The following CSRNP1 variants were observed in gnomAD, a reference collection of about 807,000 sequenced individuals.
CSRNP1 encodes the protein cysteine and serine rich nuclear protein 1, also known as cysteine/serine-rich nuclear protein 1.
Under a neutral mutation model 25.0 loss-of-function variants are expected in CSRNP1, and 8 were observed. That is an observed-to-expected ratio of 0.32 (90% CI 0.19 to 0.58). CSRNP1 has a LOEUF of 0.58. Among genes scored for constraint, CSRNP1 ranks in the 20% least tolerant of loss-of-function variants. The pLI, the probability that CSRNP1 is intolerant of heterozygous loss-of-function variation, is 0.88. For synonymous variants in CSRNP1, 305 were observed against 303.1 expected (o/e 1.01, Z -0.06); for missense variants, 691 against 773.1 (o/e 0.89, Z 1.26).
chr3:39,145,046 T>C lies in CSRNP1; in HGVS notation c.416A>G (p.Lys139Arg). ...CTCCTCTTTCAAGCGCTGGCGGAGCTTCTCGTGCCGTGCACGGGCTTGCTC... is the reference window on the plus strand; with the variant it reads ...CTCCTCTTTCAAGCGCTGGCGGAGCCTCTCGTGCCGTGCACGGGCTTGCTC... Reference protein sequence around the residue: ...AQEQARARHEKLRQRLKEEKL... With the variant: ...AQEQARARHERLRQRLKEEKL... The change falls in exon 3 of 5, where the codon AAG (lysine) becomes AGG (arginine). Residue 139 changes from lysine (K) to arginine (R), a missense_variant. Physicochemically the swap from Lys to Arg is conservative, Grantham distance 26. Coordinates refer to ENST00000273153, the MANE Select transcript of CSRNP1 (RefSeq NM_033027.4). 6.2e-7 allele frequency: 1 copy of C among 1,613,984 alleles called. No homozygotes were observed. The highest frequency in any genetic ancestry group is 8.5e-7 in the Non-Finnish European group (1 of 1,179,832).
rs758294419 is a variant in CSRNP1, at chr3:39,142,762, G to A, written c.*293C>T. ...AAAAGTGGTCTGCCAAGCTCCAGAG[G>A]AGCCACATTTTCTCCTCTTCCAGGC... On this transcript the variant is annotated 3_prime_UTR_variant, in exon 5 of 5. Transcript: ENST00000273153. 6 of 305,504 alleles carry A rather than the reference G, an allele frequency of 2.0e-5. No individual in the cohort carries two copies. Among genetic ancestry groups the A allele is most frequent in the African/African-American group, 2.2e-5 (1 of 46,412 alleles). The allele number at this position is 305,504 out of a possible 1,614,324, so 18.9% of individuals were successfully genotyped here. A position where few individuals can be genotyped will look rare whatever the true frequency, so the allele number is the denominator to read the frequency against.
chr3:39,144,729 T>C (rs2039480680), intron 3 of CSRNP1, among the ~76,000 whole-genome samples: 1 of 150,956 alleles, frequency 6.6e-6, no homozygotes, highest in Admixed American at 6.6e-5. Context: ...CCAGTTCATA[T>C]CAACTTCACA....
At position 39,142,866 on chromosome 3, in the gene CSRNP1, C is replaced by T; in HGVS notation, c.*189G>A. 2 of 629,702 alleles carry T rather than the reference C, an allele frequency of 3.2e-6. No individual in the cohort carries two copies. The allele number at this position is 629,702 out of a possible 1,614,324, so 39.0% of individuals were successfully genotyped here. A position where few individuals can be genotyped will look rare whatever the true frequency, so the allele number is the denominator to read the frequency against. The stretch of plus-strand genomic sequence containing the variant: ...AAAGGGGAAGCCCCCTCCCCCCAGT[C>T]CTCTCTTCAGCACAGAAAAGTTAAA... On this transcript the variant is annotated 3_prime_UTR_variant, in exon 5 of 5. Transcript: ENST00000273153.
At chr3:39,146,371 T>C (rs936897465) in intron 2 of CSRNP1, 107 bp downstream of exon 2, 11 of 1,358,862 alleles carry the variant, frequency 8.1e-6, no homozygotes, top group South Asian at 1.5e-5. Flanking sequence ...GCTACCGCCA[T>C]GGGGACCTAA....
rs372854348 is a variant in CSRNP1 at position 39,143,133 on chromosome 3, G to A, written c.1692C>T (p.Ala564=). ...ESLMGFSEPA[A]EALDPFIDSQ... is the part of the protein sequence containing the mutation. ...TGTCAATAAAGGGATCTAGGGCTTC[G>A]GCGGCTGGCTCGGAGAAGCCCATGA... Residue 564 remains alanine, a synonymous_variant, in exon 5 of 5, where the codon GCC becomes GCT. Transcript: ENST00000273153. The A allele has an allele frequency of 1.7e-5, 28 of 1,613,842 alleles. No homozygotes were observed. The highest frequency in any genetic ancestry group is 8.3e-5 in the Admixed American group (5 of 59,994).
chr3:39,144,554 C>G, intron 3 of CSRNP1, 103 bp from the exon 4 acceptor site: 1 of 1,154,818 alleles, frequency 8.7e-7, no homozygotes, highest in Non-Finnish European at 1.2e-6. Flanking sequence ...CCCCCCACTA[C>G]TCGTGCTTAA....
chr3:39,149,781 GGCCTCTGCAAA>G (rs1396153066), intron 1 of CSRNP1: 1 of 152,192 alleles, frequency 6.6e-6, no homozygotes, highest in African/African-American at 2.4e-5. Context: ...CTCACCTCCT[GGCCTCTGCAAA>G]GCTGGAACAA....
rs568323801 is a variant in CSRNP1 at position 39,144,466 on chromosome 3, A to G, written c.466-15T>C. 180 of 1,589,128 alleles carry G rather than the reference A, an allele frequency of 1.1e-4. 2 individuals are homozygous for G. The East Asian group carries it at 4.0e-3, about 35-fold the overall frequency. ...GCTGCCGAAAGCTGCATCCACAGGA[A>G]AGAGGGATGTAAGAAGCACAGACAT... On this transcript the variant is annotated splice_polypyrimidine_tract_variant and intron_variant, in intron 3 of 4. Transcript: ENST00000273153.
At position 39,143,208 on chromosome 3, in the gene CSRNP1, C is replaced by T; in HGVS notation, c.1617G>A (p.Leu539=). 4 of 1,614,234 alleles carry T rather than the reference C, an allele frequency of 2.5e-6. No individual in the cohort carries two copies. The highest frequency in any genetic ancestry group is 1.3e-5 in the African/African-American group (1 of 75,060). The change falls in exon 5 of 5, where the codon CTG becomes CTA. Residue 539 remains leucine (L), a synonymous_variant. Transcript: ENST00000273153. ...CATCCCCAGGTGGAGACAGGCCAGGCAGGGGGAAGTGAGGTGCCTCGATGT... is the reference window on the plus strand; with the variant it reads ...CATCCCCAGGTGGAGACAGGCCAGGTAGGGGGAAGTGAGGTGCCTCGATGT... ...LDNIEAPHFP[L]PGLSPPGDAS...
intron 1 of CSRNP1, 103 bp from the exon 2 acceptor site, chr3:39,146,825 A>C (rs1575577152): frequency 2.1e-6 from 3 of 1,440,980 alleles, no homozygotes; most frequent in Non-Finnish European, 9.2e-7. Context: ...GGCATCCCAG[A>C]CCCTGGCCTC....
At position 39,143,084 on chromosome 3, in the gene CSRNP1, C is replaced by A; in HGVS notation, c.1741G>T (p.Ala581Ser). The A allele has an allele frequency of 6.2e-7, 1 of 1,601,628 alleles. No individual in the cohort carries two copies. Residue 581 changes from alanine (A) to serine (S), a missense_variant, in exon 5 of 5, where the codon GCA becomes TCA. Transcript: ENST00000273153. Reference sequence around the variant, plus strand: ...ACCGGCACAGGCTCCATTAGAGATGCTGGGACAGTGTCCTCAAACTGGCTG... The same window carrying A: ...ACCGGCACAGGCTCCATTAGAGATGATGGGACAGTGTCCTCAAACTGGCTG... The part of the protein sequence containing the change: ...IDSQFEDTVP[A>S]SLMEPVPV
chr3:39,147,211 C>CTGTGTG (rs10679310), intron 1 of CSRNP1, among the ~76,000 whole-genome samples: 17,251 of 148,508 alleles, frequency 0.12, 1,277 homozygotes, highest in Non-Finnish European at 0.16. Context: ...ATCTGTGTGC[C>CTGTGTG]TGTGTGTGTG....
chr3:39,143,678 G>A lies in CSRNP1; in HGVS notation c.1147C>T (p.Gln383Ter). The change falls in exon 5 of 5, where the codon CAG becomes TAG. Residue 383 changes from glutamine to a stop codon, truncating the protein, a stop_gained. Coordinates refer to ENST00000273153, the MANE Select transcript of CSRNP1 (RefSeq NM_033027.4). LOFTEE classifies it low-confidence loss of function (END_TRUNC). ...AGGCTGTCATCATCAACGCCAGGCTGGAAGCCAGGGCCAGGCAGGCCTGGG... is the reference window on the plus strand; with the variant it reads ...AGGCTGTCATCATCAACGCCAGGCTAGAAGCCAGGGCCAGGCAGGCCTGGG... ...THPGLPGPGF[Q>*]PGVDDDSLAR... 6.2e-7 allele frequency: 1 copy of A among 1,614,204 alleles called. No homozygotes were observed.
intron 2 of CSRNP1, 107 bp downstream of exon 2, chr3:39,146,371 T>A: frequency 1.5e-5 from 20 of 1,358,980 alleles, no homozygotes; most frequent in Non-Finnish European, 1.9e-5. Flanking sequence ...GCTACCGCCA[T>A]GGGGACCTAA....
At chr3:39,144,958 C>G in intron 3 of CSRNP1, 39 bp downstream of exon 3, 2 of 1,561,320 alleles carry the variant, frequency 1.3e-6, no homozygotes, top group South Asian at 2.4e-5. Context: ...ACTCCAGGAG[C>G]TGCCTCAGGA....
intron 1 of CSRNP1, chr3:39,150,930 G>GTGCC (rs777035769): frequency 6.6e-6 from 1 of 152,208 alleles, no homozygotes; most frequent in Non-Finnish European, 1.5e-5. Context: ...GGCGGGGGAA[G>GTGCC]TGCCCCTGGT....
At position 39,143,380 on chromosome 3, in the gene CSRNP1, G is replaced by A. The variant is rs764039494; in HGVS notation, c.1445C>T (p.Ser482Leu). ...GCCAGCGTCCATGCTGGGTGGCACT[G>A]AGGTGCCAGGAAGGCTGCCTTCCCT... ...GSREGSLPGT[S>L]VPPSMDAGRS... Residue 482 changes from serine to leucine, a missense_variant, in exon 5 of 5, where the codon TCA (serine) becomes TTA (leucine). By Grantham distance (145) the Ser-to-Leu change is moderately radical. Transcript: ENST00000273153. The A allele has an allele frequency of 6.2e-7, 1 of 1,614,112 alleles. No homozygotes were observed. The highest frequency in any genetic ancestry group is 1.3e-5 in the African/African-American group (1 of 75,064).
At position 39,143,155 on chromosome 3, in the gene CSRNP1, A is replaced by G; in HGVS notation, c.1670T>C (p.Met557Thr). 6.2e-7 allele frequency: 1 copy of G among 1,614,214 alleles called. No homozygotes were observed. Among genetic ancestry groups the G allele is most frequent in the South Asian group, 1.1e-5 (1 of 91,090 alleles). ...DASSCFLESL[M>T]GFSEPAAEAL... ...TTCGGCGGCTGGCTCGGAGAAGCCC[A>G]TGAGGGACTCCAGGAAGCAACTGCT... The change falls in exon 5 of 5, where the codon ATG becomes ACG. Residue 557 changes from methionine to threonine, a missense_variant. Met to Thr is a moderately conservative substitution (Grantham distance 81). Coordinates refer to ENST00000273153, the MANE Select transcript of CSRNP1 (RefSeq NM_033027.4).
At chr3:39,145,468 T>C (rs1432495080) in intron 2 of CSRNP1, among the ~76,000 whole-genome samples, 1 of 152,254 alleles carries the variant, frequency 6.6e-6, no homozygotes, top group Non-Finnish European at 1.5e-5. Context: ...AACTGGCTTA[T>C]TGTTATTTAC....
Sources: gnomAD v4.1 joint callset for allele counts (sites outside exome capture counted in the v4.1 genomes callset) on GRCh38, gnomAD v4.1.1 for gene constraint, MANE v1.5 for transcripts, NCBI Gene and HGNC (gene_info 2026-07-23, HGNC 2026-07-21) for gene names.